FAT3: variants seen among roughly 807,000 people sequenced by gnomAD.
FAT3 encodes the protein FAT atypical cadherin 3, also known as protocadherin Fat 3.
A neutral mutation model predicts 310.2 loss-of-function variants in FAT3; 95 were observed. The ratio of observed to expected loss-of-function variants is 0.31; its 90% CI spans 0.26 to 0.36. FAT3 has a LOEUF of 0.36. Among genes scored for constraint, FAT3 ranks in the 10% least tolerant of loss-of-function variants. FAT3 has a pLI of 1.00. For synonymous variants in FAT3, 2,314 were observed against 2,192.9 expected (o/e 1.06, Z -1.54); for missense variants, 5,408 against 5,715.6 (o/e 0.95, Z 1.74).
At chr11:92,426,508 G>A (rs1677502503) in intron 2 of FAT3, among the ~76,000 whole-genome samples, 1 of 152,114 alleles carries the variant, frequency 6.6e-6, no homozygotes, top group Non-Finnish European at 1.5e-5. Flanking sequence ...TATGGTTTTA[G>A]GTCTTACTTT....
intron 1 of FAT3, among the ~76,000 whole-genome samples, chr11:92,305,418 A>G (rs1947094206): frequency 6.6e-6 from 1 of 152,188 alleles, no homozygotes; most frequent in African/African-American, 2.4e-5. Flanking sequence ...GTTGCAAGCA[A>G]GAATCATCAA....
At chr11:92,792,702 A>T (rs963038900) in intron 8 of FAT3, 65 bp from the exon 9 acceptor site, 16 of 1,505,436 alleles carry the variant, frequency 1.1e-5, no homozygotes, top group Non-Finnish European at 1.4e-5. Flanking sequence ...CACCCCAAAC[A>T]TAGCCATGTG....
At chr11:92,460,469 G>A (rs1030710907) in intron 2 of FAT3, among the ~76,000 whole-genome samples, 2 of 152,172 alleles carry the variant, frequency 1.3e-5, no homozygotes, top group African/African-American at 2.4e-5. Context: ...TGGACTGGGA[G>A]TTCTGCTTCC....
intron 2 of FAT3, among the ~76,000 whole-genome samples, chr11:92,494,172 T>C (rs554720057): frequency 5.7e-4 from 86 of 151,812 alleles, no homozygotes; most frequent in Non-Finnish European, 1.0e-3. Context: ...CATTGAGAAC[T>C]CCCTCACTAT....
chr11:92,779,590 C>G (rs1404263612), intron 7 of FAT3, among the ~76,000 whole-genome samples: 1 of 152,086 alleles, frequency 6.6e-6, no homozygotes, highest in Non-Finnish European at 1.5e-5. Flanking sequence ...TTAACTCTTA[C>G]AGTTACTCAG....
At chr11:92,590,813 C>T (rs1366465633) in intron 3 of FAT3, among the ~76,000 whole-genome samples, 2 of 152,066 alleles carry the variant, frequency 1.3e-5, no homozygotes, top group Non-Finnish European at 2.9e-5. Flanking sequence ...TTATTTTTGC[C>T]TACATTTTTT....
intron 23 of FAT3, 29 bp from the exon 24 acceptor site, chr11:92,882,709 G>C (rs772788536): frequency 1.9e-6 from 3 of 1,569,674 alleles, no homozygotes; most frequent in African/African-American, 2.7e-5. Context: ...TGGTCCTGAC[G>C]GTGGGGAGGG....
chr11:92,530,130 C>T (rs1031950485), intron 3 of FAT3, among the ~76,000 whole-genome samples: 2 of 152,102 alleles, frequency 1.3e-5, no homozygotes, highest in African/African-American at 4.8e-5. Context: ...CATATAACAT[C>T]AGCATGCCTT....
chr11:92,668,723 A>G (rs563897102), intron 3 of FAT3, among the ~76,000 whole-genome samples: 1 of 152,372 alleles, frequency 6.6e-6, no homozygotes, highest in African/African-American at 2.4e-5. Context: ...AATTTAAATT[A>G]CTTAGCAAAT....
At chr11:92,307,176 C>G (rs1193927841) in intron 1 of FAT3, among the ~76,000 whole-genome samples, 1 of 150,190 alleles carries the variant, frequency 6.7e-6, no homozygotes, top group East Asian at 2.0e-4. Context: ...CCCCCACCCC[C>G]ACCCCATACC....
At chr11:92,849,579 G>T (rs1948768274) in intron 19 of FAT3, among the ~76,000 whole-genome samples, 1 of 152,146 alleles carries the variant, frequency 6.6e-6, no homozygotes, top group Admixed American at 6.6e-5. Flanking sequence ...TTTGCTCCTT[G>T]ACTGTAAACA....
At chr11:92,368,849 C>T (rs56739343) in intron 2 of FAT3, among the ~76,000 whole-genome samples, 11,625 of 103,742 alleles carry the variant, frequency 0.11, 839 homozygotes, top group African/African-American at 0.34. Flanking sequence ...TATATATATA[C>T]ACACATACAC....
intron 1 of FAT3, among the ~76,000 whole-genome samples, chr11:92,259,951 G>A (rs1432648718): frequency 6.6e-6 from 1 of 152,112 alleles, no homozygotes; most frequent in Non-Finnish European, 1.5e-5. Context: ...AACTGAGTTT[G>A]CCCTCAAGTC....
chr11:92,350,446 G>C (rs953124837), intron 1 of FAT3, among the ~76,000 whole-genome samples: 26 of 151,850 alleles, frequency 1.7e-4, no homozygotes, highest in African/African-American at 6.0e-4. Flanking sequence ...GCAGGGATGG[G>C]TTGTACTTTT....
At position 92,799,151 on chromosome 11, in the gene FAT3, A is replaced by G. The variant is rs1222602381; in HGVS notation, c.6138A>G (p.Glu2046=). The G allele has an allele frequency of 1.9e-6, 3 of 1,613,956 alleles. No homozygotes were observed. Among genetic ancestry groups the G allele is most frequent in the East Asian group, 2.2e-5 (1 of 44,858 alleles). Residue 2046 remains glutamate (E), a synonymous_variant, in exon 10 of 28, where the codon GAA becomes GAG. Coordinates refer to ENST00000525166, the MANE Select transcript of FAT3 (RefSeq NM_001367949.2). ...CTGGAGTCCCCTTTGACCGTGAAGA[A>G]CAAGAGTTATATGAGCTGGTGGTAG... The part of the protein sequence containing the change: ...QTTGVPFDRE[E]QELYELVVEA...
At chr11:92,303,896 G>T (rs576181953) in intron 1 of FAT3, among the ~76,000 whole-genome samples, 3 of 152,210 alleles carry the variant, frequency 2.0e-5, no homozygotes, top group Non-Finnish European at 1.5e-5. Context: ...GAGGGTTTTA[G>T]ATTCTGATAG....
intron 2 of FAT3, among the ~76,000 whole-genome samples, chr11:92,364,486 C>G (rs1043518671): frequency 6.6e-6 from 1 of 152,218 alleles, no homozygotes; most frequent in South Asian, 2.1e-4. Flanking sequence ...GTGTTTTGTA[C>G]GCGCATTGAA....
chr11:92,367,568 C>G (rs1949060040), intron 2 of FAT3, among the ~76,000 whole-genome samples: 1 of 152,138 alleles, frequency 6.6e-6, no homozygotes, highest in African/African-American at 2.4e-5. Context: ...GAAATTGAGG[C>G]AGCAGTGAGC....
At position 92,429,833 on chromosome 11, in the gene FAT3, T is replaced by G. The variant is rs557102987; in HGVS notation, c.3292+74429T>G. ...ATTTTTTCCTTCATTTCAATCTTGG[T>G]GAATCTGATGATTATGTGTTTTAGG... is the stretch of plus-strand genomic sequence containing the variant. On this transcript the variant is annotated intron_variant, in intron 2 of 27. Coordinates refer to ENST00000525166, the MANE Select transcript of FAT3 (RefSeq NM_001367949.2). 2.0e-5 allele frequency among the ~76,000 whole-genome samples: 3 copies of G among 152,288 alleles called. No individual in the cohort carries two copies. In the East Asian group the frequency reaches 5.8e-4, roughly 29 times the overall value.
Sources: allele counts gnomAD v4.1 joint callset (sites outside exome capture counted in the v4.1 genomes callset), GRCh38; gene constraint gnomAD v4.1.1; transcripts MANE v1.5; gene names NCBI Gene and HGNC (gene_info 2026-07-23, HGNC 2026-07-21).